The following FOXP2 variants were observed in gnomAD, a reference collection of about 807,000 sequenced individuals.
FOXP2 encodes the protein forkhead box P2, also known as forkhead box protein P2.
FOXP2 carries 12 observed loss-of-function variants against 115.8 expected under a neutral mutation model. That is an observed-to-expected ratio of 0.10 (90% CI 0.07 to 0.17). FOXP2 has a LOEUF of 0.17. FOXP2 is among the 10% of genes least tolerant of loss of function. The pLI, the probability that FOXP2 is intolerant of heterozygous loss-of-function variation, is 1.00. For synonymous variants in FOXP2, 328 were observed against 297.7 expected, an observed-to-expected ratio of 1.10 and a Z score of -1.05; for missense variants, 629 against 843.5, an observed-to-expected ratio of 0.75 and a Z score of 3.15.
chr7:114,246,871 C>T (rs1795297767), intron 1 of FOXP2, among the ~76,000 whole-genome samples: 1 of 152,096 alleles, frequency 6.6e-6, no homozygotes, highest in African/African-American at 2.4e-5. Context: ...GGACTGTTAA[C>T]TACACTTTCA....
At chr7:114,453,678 T>A (rs1237176639) in intron 2 of FOXP2, among the ~76,000 whole-genome samples, 1 of 152,076 alleles carries the variant, frequency 6.6e-6, no homozygotes, top group Non-Finnish European at 1.5e-5. Flanking sequence ...TGTCCCCGAT[T>A]CTCATTCTGC....
At chr7:114,093,399 T>G (rs1033393113) in intron 1 of FOXP2, among the ~76,000 whole-genome samples, 4 of 152,230 alleles carry the variant, frequency 2.6e-5, no homozygotes, top group Non-Finnish European at 5.9e-5. Context: ...TATCATTAAC[T>G]GACATTTAGA....
At chr7:114,227,908 C>A (rs1203482607) in intron 1 of FOXP2, among the ~76,000 whole-genome samples, 1 of 152,014 alleles carries the variant, frequency 6.6e-6, no homozygotes, top group Non-Finnish European at 1.5e-5. Context: ...TGGTAATTTA[C>A]ATGATCCTCA....
At chr7:114,347,833 C>T (rs1791383600) in intron 2 of FOXP2, among the ~76,000 whole-genome samples, 3 of 151,846 alleles carry the variant, frequency 2.0e-5, no homozygotes, top group South Asian at 2.1e-4. Context: ...TTTCTTGATA[C>T]GAAATTCCTA....
chr7:114,460,505 T>A (rs1283160020), intron 2 of FOXP2, among the ~76,000 whole-genome samples: 4 of 152,212 alleles, frequency 2.6e-5, no homozygotes, highest in Admixed American at 2.6e-4. Flanking sequence ...AGATACCAGT[T>A]GGGATACTGT....
intron 2 of FOXP2, among the ~76,000 whole-genome samples, chr7:114,393,797 T>C (rs559755378): frequency 6.6e-6 from 1 of 152,234 alleles, no homozygotes; most frequent in African/African-American, 2.4e-5. Flanking sequence ...AGTACACATA[T>C]TAAGGATAAT....
chr7:114,671,823 T>C (rs1807500572), intron 16 of FOXP2, among the ~76,000 whole-genome samples: 1 of 152,212 alleles, frequency 6.6e-6, no homozygotes. Flanking sequence ...TATTTCAGAA[T>C]ATTCCTTTAT....
chr7:114,649,627 T>A (rs1806122734), intron 8 of FOXP2, among the ~76,000 whole-genome samples: 1 of 152,128 alleles, frequency 6.6e-6, no homozygotes, highest in African/African-American at 2.4e-5. Flanking sequence ...GCCTATTTAT[T>A]TAGTCTTATT....
intron 3 of FOXP2, among the ~76,000 whole-genome samples, chr7:114,542,240 G>T (rs1432075602): frequency 6.6e-6 from 1 of 151,158 alleles, no homozygotes; most frequent in African/African-American, 2.4e-5. Flanking sequence ...TGTCTCTTTG[G>T]TCCCATAAGA....
intron 2 of FOXP2, among the ~76,000 whole-genome samples, chr7:114,332,112 ACGTGTGTGTG>A (rs1562874770): frequency 1.3e-5 from 2 of 150,890 alleles, no homozygotes; most frequent in African/African-American, 4.8e-5. Flanking sequence ...GGGCATATGA[ACGTGTGTGTG>A]TGTGTGTGCG....
chr7:114,089,108 TATTC>T (rs1799490957), intron 1 of FOXP2, among the ~76,000 whole-genome samples: 1 of 152,128 alleles, frequency 6.6e-6, no homozygotes, highest in Admixed American at 6.6e-5. Flanking sequence ...ACTAGACTCA[TATTC>T]AGTCGTCAGT....
chr7:114,534,621 T>C lies in FOXP2; in HGVS notation c.173T>C (p.Leu58Pro). 1 of 1,611,762 alleles carries C rather than the reference T, an allele frequency of 6.2e-7. No homozygotes were observed. The highest frequency in any genetic ancestry group is 8.5e-7 in the Non-Finnish European group (1 of 1,178,310). Residue 58 changes from leucine (L) to proline (P), a missense_variant, in exon 3 of 17, where the codon CTC becomes CCC. Physicochemically the swap from Leu to Pro is moderately conservative, Grantham distance 98. Coordinates refer to ENST00000350908, the MANE Select transcript of FOXP2 (RefSeq NM_014491.4). Reference sequence around the variant, plus strand: ...AGGTTTCATTTTTACTTCTAGGCTCTCCAGGCAGCAAGACAACTTCTTTTA... The same window carrying C: ...AGGTTTCATTTTTACTTCTAGGCTCCCCAGGCAGCAAGACAACTTCTTTTA... ...ELLHLQQQQALQAARQLLLQQ... is the reference protein window; with the variant it reads ...ELLHLQQQQAPQAARQLLLQQ...
intron 3 of FOXP2, among the ~76,000 whole-genome samples, chr7:114,624,840 A>G (rs1804457436): frequency 6.6e-6 from 1 of 151,586 alleles, no homozygotes; most frequent in Non-Finnish European, 1.5e-5. Context: ...TCATAACTAA[A>G]TATAATTATA....
intron 3 of FOXP2, among the ~76,000 whole-genome samples, chr7:114,582,189 G>A (rs1167491716): frequency 6.6e-6 from 1 of 152,192 alleles, no homozygotes; most frequent in Non-Finnish European, 1.5e-5. Context: ...AGGGCACAGA[G>A]AGAGGTAGTT....
chr7:114,322,870 G>A (rs972771428), intron 2 of FOXP2, among the ~76,000 whole-genome samples: 3 of 152,096 alleles, frequency 2.0e-5, no homozygotes, highest in Non-Finnish European at 2.9e-5. Flanking sequence ...GTGTGTTTGC[G>A]TGTGAGGGAG....
chr7:114,411,878 G>A (rs1192033201), upstream of FOXP2, among the ~76,000 whole-genome samples: 5 of 152,056 alleles, frequency 3.3e-5, no homozygotes, highest in Non-Finnish European at 7.4e-5. Flanking sequence ...CTATTTTGGG[G>A]GAAAACAAGA....
chr7:114,535,835 G>A (rs1416214969), intron 3 of FOXP2, among the ~76,000 whole-genome samples: 4 of 151,626 alleles, frequency 2.6e-5, no homozygotes, highest in African/African-American at 9.7e-5. Context: ...GAGTACAGAT[G>A]TCTGCCATGA....
Position 114,693,569 on chromosome 7 carries a change from T to C in FOXP2, c.*3643T>C, listed in dbSNP as rs536004145. 2.3e-4 allele frequency: 104 copies of C among 453,366 alleles called. No individual in the cohort carries two copies. The Middle Eastern group carries it at 4.9e-3, about 21-fold the overall frequency. 28.1% of individuals were successfully genotyped at this position (453,366 alleles called of 1,614,324 possible). A position where few individuals can be genotyped will look rare whatever the true frequency, so the allele number is the denominator to read the frequency against. Reference sequence around the variant, plus strand: ...CCCTTGTTATTTCACTAGTTCAGGTTGCAACGAAAGGTTTTTTTGTCCATG... The same window carrying C: ...CCCTTGTTATTTCACTAGTTCAGGTCGCAACGAAAGGTTTTTTTGTCCATG... On this transcript the variant is annotated 3_prime_UTR_variant, in exon 17 of 17. Transcript: ENST00000350908.
At chr7:114,355,380 C>A (rs1364279150) in intron 2 of FOXP2, among the ~76,000 whole-genome samples, 1 of 152,074 alleles carries the variant, frequency 6.6e-6, no homozygotes, top group Non-Finnish European at 1.5e-5. Flanking sequence ...AGAGTGTGTT[C>A]TATAAAGGTA....
Sources: gnomAD v4.1 joint callset for allele counts (sites outside exome capture counted in the v4.1 genomes callset) on GRCh38, gnomAD v4.1.1 for gene constraint, MANE v1.5 for transcripts, NCBI Gene and HGNC (gene_info 2026-07-23, HGNC 2026-07-21) for gene names.